PDGFB: variants seen among roughly 807,000 people sequenced by gnomAD.
The protein encoded by PDGFB is platelet derived growth factor subunit B.
In PDGFB, 6 loss-of-function variants were observed where a neutral mutation model predicts 29.0. The observed-to-expected ratio is 0.21, with a 90% CI of 0.11 to 0.41. The LOEUF is 0.41. PDGFB is among the 10% of genes least tolerant of loss of function. The probability of loss-of-function intolerance (pLI) is 1.00; values close to 1 mark genes in which losing one functional copy is unlikely to be tolerated. For missense variants in PDGFB, 299 were observed against 341.8 expected (o/e 0.87, Z 0.99); for synonymous variants, 144 against 140.8 (o/e 1.02, Z -0.16).
chr22:39,243,467 A>T lies in PDGFB; in HGVS notation c.63+434T>A, dbSNP rs796185652. 2.0e-5 allele frequency among the ~76,000 whole-genome samples: 3 copies of T among 152,242 alleles called. No homozygotes were observed. The East Asian group carries it at 5.8e-4, about 29-fold the overall frequency. On this transcript the variant is annotated intron_variant, in intron 1 of 6. Coordinates refer to ENST00000331163, the MANE Select transcript of PDGFB (RefSeq NM_002608.4). The surrounding 1 kb of genome is among the most constrained non-coding windows in gnomAD (Gnocchi z 6.4). ...GTCGGCGTGGATGGCACCGGTGCGC[A>T]AGCTTGCACCTCCTGGGCAAGCCGA... is the stretch of plus-strand genomic sequence containing the variant.
intron 1 of PDGFB, among the ~76,000 whole-genome samples, chr22:39,236,544 T>G (rs1314426708): frequency 6.6e-6 from 1 of 152,194 alleles, no homozygotes; most frequent in East Asian, 1.9e-4. Context: ...CAAACCCTAT[T>G]TTTAGAGCCC....
intron 1 of PDGFB, among the ~76,000 whole-genome samples, chr22:39,239,186 T>C (rs902532106): frequency 1.3e-5 from 2 of 152,072 alleles, no homozygotes; most frequent in African/African-American, 4.8e-5. Flanking sequence ...TCTTTCCGGA[T>C]GGCTCCTTTG....
In PDGFB at chr22:39,231,856, G is replaced by C. The variant is rs749502692; in HGVS notation, c.251-29C>G. On this transcript the variant is annotated intron_variant, in intron 3 of 6. Coordinates refer to ENST00000331163, the MANE Select transcript of PDGFB (RefSeq NM_002608.4). The surrounding 1 kb of genome is among the most constrained non-coding windows in gnomAD (Gnocchi z 4.3). The stretch of plus-strand genomic sequence containing the variant: ...GGAGGAGACGAAACCTGGGTCAGGA[G>C]CGTAGGCCTGTCCAGAGTCCCCCCA... 1 of 1,593,038 alleles carries C rather than the reference G, an allele frequency of 6.3e-7. No individual in the cohort carries two copies.
chr22:39,227,905 G>T (rs781406221), intron 5 of PDGFB, among the ~76,000 whole-genome samples: 1 of 152,202 alleles, frequency 6.6e-6, no homozygotes, highest in Non-Finnish European at 1.5e-5. Flanking sequence ...GCAGTTCAGG[G>T]ACTTGAATGG....
chr22:39,231,908 T>G lies in PDGFB; in HGVS notation c.251-81A>C. 2 of 1,193,770 alleles carry G rather than the reference T, an allele frequency of 1.7e-6. No individual in the cohort carries two copies. Among genetic ancestry groups the G allele is most frequent in the Admixed American group, 4.2e-5 (2 of 47,558 alleles). The allele number at this position is 1,193,770 out of a possible 1,614,324, so 73.9% of individuals were successfully genotyped here. On this transcript the variant is annotated intron_variant, in intron 3 of 6. Transcript: ENST00000331163. The surrounding 1 kb of genome is among the most constrained non-coding windows in gnomAD (Gnocchi z 4.3). ...TTGGCAGGGGAGCTCAGCGGGTGCC[T>G]CCGGGACTGCTCTTTCTCACGCCCT...
chr22:39,243,919 C>A lies in PDGFB; in HGVS notation c.45G>T (p.Leu15=). 6.2e-7 allele frequency: 1 copy of A among 1,607,610 alleles called. No homozygotes were observed. Among genetic ancestry groups the A allele is most frequent in the Non-Finnish European group, 8.5e-7 (1 of 1,177,428 alleles). Residue 15 remains leucine, a synonymous_variant, in exon 1 of 7, where the codon CTG becomes CTT. Transcript: ENST00000331163. This position sits in a 1 kb window ranked among gnomAD's most constrained non-coding sequence, Gnocchi z 6.4. ...WALFLSLCCY[L]RLVSAEGDPI... ...AACTCACCTCGGCGCTGACCAGACG[C>A]AGGTAGCAGCAGAGAGACAGGAAGA...
At chr22:39,227,072 C>A (rs1275395715) in intron 5 of PDGFB, among the ~76,000 whole-genome samples, 1 of 152,276 alleles carries the variant, frequency 6.6e-6, no homozygotes, top group African/African-American at 2.4e-5. Flanking sequence ...GATTCTCCTG[C>A]CTCAGCCTCC....
At chr22:39,238,844 G>A (rs1255866669) in intron 1 of PDGFB, among the ~76,000 whole-genome samples, 1 of 152,264 alleles carries the variant, frequency 6.6e-6, no homozygotes, top group Non-Finnish European at 1.5e-5. Flanking sequence ...TGAAGGCATC[G>A]CTGGTGGCCA....
At chr22:39,240,919 G>A in intron 1 of PDGFB, 1 of 1,238,686 alleles carries the variant, frequency 8.1e-7, no homozygotes. Flanking sequence ...TCTCTCAGAT[G>A]CGCACACACA....
In PDGFB at chr22:39,243,169, C is replaced by G. The variant is rs920156031; in HGVS notation, c.63+732G>C. 6.6e-6 allele frequency among the ~76,000 whole-genome samples: 1 copy of G among 152,166 alleles called. No homozygotes were observed. Among genetic ancestry groups the G allele is most frequent in the African/African-American group, 2.4e-5 (1 of 41,438 alleles). The stretch of plus-strand genomic sequence containing the variant: ...CCCGGGGGCTGGATTCCTTCAGAGC[C>G]CCTAGTCCTCCCCCTACCCGAGTGC... On this transcript the variant is annotated intron_variant, in intron 1 of 6. Transcript: ENST00000331163. This position sits in a 1 kb window ranked among gnomAD's most constrained non-coding sequence, Gnocchi z 6.4.
chr22:39,230,234 G>T lies in PDGFB; in HGVS notation c.457-6C>A. On this transcript the variant is annotated splice_polypyrimidine_tract_variant and splice_region_variant and intron_variant, in intron 4 of 6. Transcript: ENST00000331163. ...ACAATCTCGATCTTTCTCACCTGGAGGACAGAGCCACAAAATGCCTCTGTA... is the reference window on the plus strand; with the variant it reads ...ACAATCTCGATCTTTCTCACCTGGATGACAGAGCCACAAAATGCCTCTGTA... 6.2e-7 allele frequency: 1 copy of T among 1,613,522 alleles called. No homozygotes were observed. The highest frequency in any genetic ancestry group is 8.5e-7 in the Non-Finnish European group (1 of 1,180,024).
chr22:39,233,555 C>G, intron 2 of PDGFB, 31 bp from the exon 3 acceptor site: 1 of 1,526,178 alleles, frequency 6.6e-7, no homozygotes, highest in Non-Finnish European at 8.9e-7. Context: ...AGACACCAGG[C>G]GGCCCCACCT....
intron 1 of PDGFB, chr22:39,240,751 A>G: frequency 7.4e-7 from 1 of 1,347,834 alleles, no homozygotes; most frequent in Non-Finnish European, 1.1e-6. Context: ...CCAGTAGAGA[A>G]AGCAGGTAAT....
rs1314379219 is a variant in PDGFB, at chr22:39,225,861, A to G, written c.602-14T>C. 1.2e-6 allele frequency: 2 copies of G among 1,608,046 alleles called. No individual in the cohort carries two copies. Among genetic ancestry groups the G allele is most frequent in the Non-Finnish European group, 1.7e-6 (2 of 1,175,556 alleles). ...GGGGCGTTTTGGCTGCACAAGAAAA[A>G]GAAAGACCTCGTCAGCATGTGGACC... On this transcript the variant is annotated splice_polypyrimidine_tract_variant and intron_variant, in intron 5 of 6. Transcript: ENST00000331163.
chr22:39,234,349 G>A (rs1285669359), intron 2 of PDGFB, among the ~76,000 whole-genome samples: 2 of 152,190 alleles, frequency 1.3e-5, no homozygotes, highest in Non-Finnish European at 1.5e-5. Context: ...GAGGTTGGCT[G>A]CTGGGAAGTG....
intron 3 of PDGFB, among the ~76,000 whole-genome samples, 193 bp downstream of exon 3, chr22:39,233,242 G>A (rs974465381): frequency 9.9e-5 from 15 of 152,214 alleles, no homozygotes; most frequent in Non-Finnish European, 2.2e-4. Flanking sequence ...GAGTGTGGGG[G>A]CGAGGGGCTG....
Position 39,233,428 on chromosome 22 carries a change from G to A in PDGFB, c.250+7C>T. The A allele has an allele frequency of 6.3e-7, 1 of 1,592,496 alleles. No homozygotes were observed. Among genetic ancestry groups the A allele is most frequent in the East Asian group, 2.3e-5 (1 of 42,818 alleles). ...TGAAGGACCCTTGTTGGGTGTCTCA[G>A]TCTTACCCAGGCTCCTTCTTCCACG... On this transcript the variant is annotated splice_region_variant and intron_variant, in intron 3 of 6. Transcript: ENST00000331163.
intron 5 of PDGFB, among the ~76,000 whole-genome samples, chr22:39,228,161 CGTCAT>C (rs1450588766): frequency 7.9e-6 from 1 of 127,162 alleles, no homozygotes; most frequent in African/African-American, 3.4e-5. Flanking sequence ...ACAGAAACAC[CGTCAT>C]ACTCAACCAA....
intron 2 of PDGFB, 67 bp downstream of exon 2, chr22:39,235,711 C>G: frequency 8.8e-7 from 1 of 1,134,116 alleles, no homozygotes; most frequent in Non-Finnish European, 1.3e-6. Flanking sequence ...TGCCTCCTGT[C>G]CTGCCCCTCC....
Sources: gnomAD v4.1 joint callset for allele counts (sites outside exome capture counted in the v4.1 genomes callset) on GRCh38, gnomAD v4.1.1 for gene constraint, Gnocchi (gnomAD v3.1) non-coding constraint, MANE v1.5 for transcripts, NCBI Gene and HGNC (gene_info 2026-07-23, HGNC 2026-07-21) for gene names.